Variants in DNM3 observed in about 807,000 individuals in gnomAD.
The protein encoded by DNM3 is dynamin-3.
In DNM3, 47 loss-of-function variants were observed where a neutral mutation model predicts 101.6. That is an observed-to-expected ratio of 0.46 (90% CI 0.37 to 0.59). The LOEUF is 0.59. DNM3 is among the 20% of genes least tolerant of loss of function. The probability of loss-of-function intolerance (pLI) is 0.00; values close to 1 mark genes in which losing one functional copy is unlikely to be tolerated. For synonymous variants in DNM3, 385 were observed against 387.9 expected, an observed-to-expected ratio of 0.99 and a Z score of 0.09; for missense variants, 849 against 1,085.7, an observed-to-expected ratio of 0.78 and a Z score of 3.06.
intron 17 of DNM3, among the ~76,000 whole-genome samples, chr1:172,342,295 G>T (rs947835182): frequency 6.6e-6 from 1 of 152,016 alleles, no homozygotes; most frequent in African/African-American, 2.4e-5. Context: ...CTACCATAAG[G>T]ACACATGCAT....
chr1:172,262,045 G>A (rs746826291), intron 15 of DNM3, among the ~76,000 whole-genome samples: 8 of 152,190 alleles, frequency 5.3e-5, no homozygotes, highest in Non-Finnish European at 8.8e-5. Context: ...CAGAAGTAGG[G>A]TGATCCCCAG....
rs557756830 is a variant in DNM3 at position 171,872,633 on chromosome 1, G to A, written c.161+30816G>A. 2.6e-5 allele frequency among the ~76,000 whole-genome samples: 4 copies of A among 152,280 alleles called. No individual in the cohort carries two copies. In the South Asian group the frequency reaches 8.3e-4, roughly 32 times the overall value. On this transcript the variant is annotated intron_variant, in intron 1 of 20. Coordinates refer to ENST00000627582, the MANE Select transcript of DNM3 (RefSeq NM_015569.5). ...TCCCCGCTAGTCTCTCGGCATGCTG[G>A]CCAGACCCTGGTTGTGCTCTGTCTG...
chr1:172,121,307 C>T (rs1269121451), intron 13 of DNM3, among the ~76,000 whole-genome samples: 2 of 152,214 alleles, frequency 1.3e-5, no homozygotes, highest in African/African-American at 4.8e-5. Flanking sequence ...AAACAGCTCA[C>T]TCTTAGTGAA....
chr1:171,896,168 C>G (rs2037775302), intron 1 of DNM3, among the ~76,000 whole-genome samples: 1 of 152,146 alleles, frequency 6.6e-6, no homozygotes, highest in African/African-American at 2.4e-5. Flanking sequence ...TTTTCCAATT[C>G]TGTGAAGGAA....
chr1:172,069,444 T>C (rs1395408701), intron 11 of DNM3, among the ~76,000 whole-genome samples: 2 of 152,210 alleles, frequency 1.3e-5, no homozygotes, highest in Non-Finnish European at 2.9e-5. Flanking sequence ...ACATTTCTAT[T>C]TTGTGAATGT....
chr1:172,221,090 T>C (rs1335100525), intron 14 of DNM3, among the ~76,000 whole-genome samples: 1 of 152,124 alleles, frequency 6.6e-6, no homozygotes, highest in Non-Finnish European at 1.5e-5. Context: ...TTTTTCTCCT[T>C]ATAGGGACAT....
intron 7 of DNM3, among the ~76,000 whole-genome samples, chr1:172,041,762 T>A (rs758388212): frequency 2.6e-5 from 4 of 152,164 alleles, no homozygotes; most frequent in Non-Finnish European, 5.9e-5. Flanking sequence ...TGCAATCAAA[T>A]GAACAGAAGG....
At chr1:172,231,938 C>T (rs991667494) in intron 14 of DNM3, among the ~76,000 whole-genome samples, 1 of 152,136 alleles carries the variant, frequency 6.6e-6, no homozygotes, top group Admixed American at 6.5e-5. Context: ...AAATATGGGA[C>T]TATGTGAAAA....
At chr1:172,210,314 C>CTTTTTTTTTTT (rs11330467) in intron 14 of DNM3, among the ~76,000 whole-genome samples, 3 of 84,862 alleles carry the variant, frequency 3.5e-5, no homozygotes, top group African/African-American at 1.2e-4. Context: ...AGAGAGCGTG[C>CTTTTTTTTTTT]TTTTTTTTTT....
At chr1:171,850,857 GA>G (rs2032862299) in intron 1 of DNM3, among the ~76,000 whole-genome samples, 2 of 151,712 alleles carry the variant, frequency 1.3e-5, no homozygotes, top group Non-Finnish European at 2.9e-5. Flanking sequence ...GGGGAGATGA[GA>G]AGGAGGAAGC....
intron 13 of DNM3, among the ~76,000 whole-genome samples, chr1:172,121,805 A>G (rs2056340095): frequency 6.6e-6 from 1 of 152,192 alleles, no homozygotes; most frequent in Admixed American, 6.5e-5. Flanking sequence ...TGGCAGCTGT[A>G]TTTTAAAAAG....
chr1:172,078,161 C>T (rs2052824068), intron 11 of DNM3, among the ~76,000 whole-genome samples: 1 of 152,134 alleles, frequency 6.6e-6, no homozygotes, highest in African/African-American at 2.4e-5. Context: ...GGCGCAATCT[C>T]AGCTCACTGC....
intron 15 of DNM3, among the ~76,000 whole-genome samples, chr1:172,305,770 G>A (rs1382179554): frequency 1.3e-5 from 2 of 151,984 alleles, no homozygotes; most frequent in African/African-American, 2.4e-5. Flanking sequence ...AAACAGAACC[G>A]AAGAGAAAAA....
intron 1 of DNM3, among the ~76,000 whole-genome samples, chr1:171,863,779 C>T (rs1194171751): frequency 3.9e-5 from 6 of 152,168 alleles, no homozygotes; most frequent in African/African-American, 9.7e-5. Flanking sequence ...GAAGGCTCTT[C>T]GGTTTCCATA....
At chr1:171,976,668 C>T (rs973360074) in intron 2 of DNM3, among the ~76,000 whole-genome samples, 1 of 152,132 alleles carries the variant, frequency 6.6e-6, no homozygotes, top group African/African-American at 2.4e-5. Flanking sequence ...CACTAAAGAT[C>T]TCCTTCAAAT....
intron 1 of DNM3, among the ~76,000 whole-genome samples, chr1:171,872,904 T>C (rs1279448638): frequency 6.6e-6 from 1 of 152,192 alleles, no homozygotes; most frequent in Non-Finnish European, 1.5e-5. Flanking sequence ...CTTGATAATA[T>C]TTGTAAAAAC....
At chr1:172,007,985 T>G (rs2046809656) in intron 4 of DNM3, among the ~76,000 whole-genome samples, 1 of 152,088 alleles carries the variant, frequency 6.6e-6, no homozygotes, top group South Asian at 2.1e-4. Context: ...ATATATCAGT[T>G]AGCTATTTGT....
At chr1:172,208,935 C>T (rs1367922978) in intron 14 of DNM3, among the ~76,000 whole-genome samples, 1 of 151,928 alleles carries the variant, frequency 6.6e-6, no homozygotes, top group African/African-American at 2.4e-5. Flanking sequence ...ATACATGGAT[C>T]CAGGTAGAAA....
chr1:172,380,490 G>A (rs747759186), intron 18 of DNM3, among the ~76,000 whole-genome samples: 10 of 152,018 alleles, frequency 6.6e-5, no homozygotes, highest in Non-Finnish European at 1.5e-4. Flanking sequence ...AAGGTTAGCT[G>A]GATGCTTTGA....
Sources: gnomAD v4.1 joint callset for allele counts (sites outside exome capture counted in the v4.1 genomes callset) on GRCh38, gnomAD v4.1.1 for gene constraint, MANE v1.5 for transcripts, NCBI Gene and HGNC (gene_info 2026-07-23, HGNC 2026-07-21) for gene names.